Variants in DPP6 observed in about 807,000 individuals in gnomAD.
The protein encoded by DPP6 is A-type potassium channel modulatory protein DPP6.
In DPP6, 69 loss-of-function variants were observed where a neutral mutation model predicts 122.6. The observed-to-expected ratio is 0.56, with a 90% CI of 0.46 to 0.69. DPP6 has a LOEUF of 0.69. Among genes scored for constraint, DPP6 ranks in the 30% least tolerant of loss-of-function variants. The pLI, the probability that DPP6 is intolerant of heterozygous loss-of-function variation, is 0.00. For synonymous variants in DPP6, 418 were observed against 433.1 expected, an observed-to-expected ratio of 0.97 and a Z score of 0.43; for missense variants, 928 against 1,116.9, an observed-to-expected ratio of 0.83 and a Z score of 2.41.
chr7:154,166,782 G>A (rs1435386239), intron 1 of DPP6, among the ~76,000 whole-genome samples: 3 of 148,778 alleles, frequency 2.0e-5, no homozygotes, highest in African/African-American at 7.8e-5. Context: ...ATGGTGGCTG[G>A]TGCCTGTAAT....
the DPP6 span, among the ~76,000 whole-genome samples, chr7:153,783,347 G>A: frequency 6.6e-6 from 1 of 152,136 alleles, no homozygotes; most frequent in Non-Finnish European, 1.5e-5. Context: ...GAGCAAGTAG[G>A]GGAAATGTCA....
In DPP6 at chr7:154,892,710, C is replaced by A; in HGVS notation, c.*230C>A. Reference sequence around the variant, plus strand: ...AGGGACAACGCTGTCCCCGCAGCAGCGCCTCCTCCCGGCGCCCGAGAGACC... The same window carrying A: ...AGGGACAACGCTGTCCCCGCAGCAGAGCCTCCTCCCGGCGCCCGAGAGACC... On this transcript the variant is annotated 3_prime_UTR_variant, in exon 26 of 26. Transcript: ENST00000377770. 1.1e-6 allele frequency: 1 copy of A among 913,174 alleles called. No individual in the cohort carries two copies. The highest frequency in any genetic ancestry group is 1.7e-6 in the Non-Finnish European group (1 of 571,554). 56.6% of individuals were successfully genotyped at this position (913,174 alleles called of 1,614,324 possible). A position where few individuals can be genotyped will look rare whatever the true frequency, so the allele number is the denominator to read the frequency against.
At chr7:154,463,955 C>T (rs1434508158) in intron 2 of DPP6, among the ~76,000 whole-genome samples, 1 of 152,206 alleles carries the variant, frequency 6.6e-6, no homozygotes, top group Non-Finnish European at 1.5e-5. Context: ...CCCTTGGCCA[C>T]CCCAGCTGCT....
At chr7:154,717,194 C>A (rs1348871072) in intron 7 of DPP6, among the ~76,000 whole-genome samples, 1 of 152,162 alleles carries the variant, frequency 6.6e-6, no homozygotes, top group Non-Finnish European at 1.5e-5. Flanking sequence ...TTAGCAGATT[C>A]ATCAGCTCGA....
chr7:154,185,577 C>T (rs1326504989), intron 1 of DPP6, among the ~76,000 whole-genome samples: 1 of 152,034 alleles, frequency 6.6e-6, no homozygotes, highest in Non-Finnish European at 1.5e-5. Flanking sequence ...TTTTATGATT[C>T]TATGGTTTTC....
intron 1 of DPP6, among the ~76,000 whole-genome samples, chr7:153,966,494 T>G (rs39172): frequency 0.85 from 112,724 of 133,268 alleles, 47,776 homozygotes; most frequent in East Asian, 0.99. Flanking sequence ...CTTCTCCCGT[T>G]CATCTTCCTC....
At chr7:154,697,933 C>T (rs1196158354) in intron 7 of DPP6, among the ~76,000 whole-genome samples, 1 of 152,112 alleles carries the variant, frequency 6.6e-6, no homozygotes, top group Non-Finnish European at 1.5e-5. Context: ...CACCAATTCC[C>T]AGTACAGGTG....
chr7:154,040,408 C>A (rs145896101), intron 1 of DPP6, among the ~76,000 whole-genome samples: 1,578 of 150,494 alleles, frequency 0.01, 24 homozygotes, highest in African/African-American at 0.038. Flanking sequence ...GATAAGGCAG[C>A]ACGCTTCATG....
At chr7:154,011,624 A>G (rs979820321) in intron 1 of DPP6, among the ~76,000 whole-genome samples, 3 of 152,216 alleles carry the variant, frequency 2.0e-5, no homozygotes, top group African/African-American at 4.8e-5. Flanking sequence ...TTTCTACCTG[A>G]AGTATTCCAT....
At chr7:154,489,041 C>A (rs116572292) in intron 3 of DPP6, among the ~76,000 whole-genome samples, 2 of 152,290 alleles carry the variant, frequency 1.3e-5, no homozygotes, top group South Asian at 2.1e-4. Flanking sequence ...GAAGCAACAC[C>A]GATATGAACA....
intron 1 of DPP6, among the ~76,000 whole-genome samples, chr7:154,293,245 G>A (rs536244748): frequency 2.4e-4 from 37 of 152,236 alleles, no homozygotes; most frequent in African/African-American, 8.7e-4. Flanking sequence ...TCTAGCTTCC[G>A]CTGGTATTTC....
At chr7:154,417,778 G>GGCTACTCTGTGCCA (rs567732230) in intron 1 of DPP6, among the ~76,000 whole-genome samples, 2 of 152,146 alleles carry the variant, frequency 1.3e-5, no homozygotes, top group Non-Finnish European at 1.5e-5. Flanking sequence ...CCATCTTCAT[G>GGCTACTCTGTGCCA]GCTACTCTGT....
chr7:153,789,171 T>C, the DPP6 span, among the ~76,000 whole-genome samples: 1 of 152,160 alleles, frequency 6.6e-6, no homozygotes, highest in South Asian at 2.1e-4. Context: ...CAAGTGGTGA[T>C]AAGGCATTGT....
At chr7:154,766,289 A>C (rs1795894455) in intron 8 of DPP6, among the ~76,000 whole-genome samples, 1 of 152,076 alleles carries the variant, frequency 6.6e-6, no homozygotes, top group African/African-American at 2.4e-5. Flanking sequence ...GAACCCGATG[A>C]CCCAATGGTC....
the DPP6 span, among the ~76,000 whole-genome samples, chr7:153,844,250 T>C: frequency 6.6e-6 from 1 of 152,366 alleles, no homozygotes; most frequent in South Asian, 2.1e-4. Flanking sequence ...GTAGCAGTAG[T>C]TTCAGGTCTC....
At chr7:154,274,435 G>A (rs1803995153) in intron 1 of DPP6, among the ~76,000 whole-genome samples, 1 of 152,106 alleles carries the variant, frequency 6.6e-6, no homozygotes, top group Non-Finnish European at 1.5e-5. Flanking sequence ...CATAAAGTCA[G>A]CTGATTCTAA....
At chr7:153,779,134 T>C in the DPP6 span, among the ~76,000 whole-genome samples, 10 of 148,288 alleles carry the variant, frequency 6.7e-5, no homozygotes, top group Non-Finnish European at 1.5e-4. Context: ...AGAACAAAAG[T>C]ACAGAGACAA....
At chr7:153,913,757 A>T (rs1188990113) in intron 1 of DPP6, among the ~76,000 whole-genome samples, 1 of 152,162 alleles carries the variant, frequency 6.6e-6, no homozygotes, top group African/African-American at 2.4e-5. Flanking sequence ...TAACTGTGTG[A>T]CTAGATATGC....
chr7:154,003,073 T>C (rs931726560), intron 1 of DPP6, among the ~76,000 whole-genome samples: 2 of 152,178 alleles, frequency 1.3e-5, no homozygotes, highest in African/African-American at 4.8e-5. Context: ...AAACAGGTTT[T>C]TAAGAAAGGA....
Sources: gnomAD v4.1 joint callset for allele counts (sites outside exome capture counted in the v4.1 genomes callset) on GRCh38, gnomAD v4.1.1 for gene constraint, MANE v1.5 for transcripts, NCBI Gene and HGNC (gene_info 2026-07-23, HGNC 2026-07-21) for gene names.